The following TSHR variants were observed in gnomAD, a reference collection of about 807,000 sequenced individuals.
The protein encoded by TSHR is thyroid stimulating hormone receptor, also known as thyrotropin receptor.
TSHR carries 51 observed loss-of-function variants against 64.1 expected under a neutral mutation model. That is an observed-to-expected ratio of 0.80 (90% CI 0.64 to 1.01). TSHR has a LOEUF of 1.01. Among genes scored for constraint, TSHR ranks in the 50% least tolerant of loss-of-function variants. The pLI is 0.00. For missense variants in TSHR, 877 were observed against 942.8 expected, an observed-to-expected ratio of 0.93 and a Z score of 0.91; for synonymous variants, 361 against 361.9, an observed-to-expected ratio of 1.00 and a Z score of 0.03.
chr14:80,963,716 G>A (rs1594894149), intron 1 of TSHR, among the ~76,000 whole-genome samples: 1 of 152,210 alleles, frequency 6.6e-6, no homozygotes, highest in Non-Finnish European at 1.5e-5. Context: ...TTCTCCTGGT[G>A]TAGGGAGAGC....
intron 6 of TSHR, among the ~76,000 whole-genome samples, chr14:81,095,975 G>A (rs1889146841): frequency 6.6e-6 from 1 of 151,148 alleles, no homozygotes; most frequent in South Asian, 2.1e-4. Context: ...AGGGACTCAA[G>A]GCTGCAGTGA....
chr14:81,022,882 C>T (rs935250113), intron 1 of TSHR, among the ~76,000 whole-genome samples: 6 of 152,042 alleles, frequency 3.9e-5, no homozygotes, highest in Non-Finnish European at 7.4e-5. Context: ...AGGTGGAGCG[C>T]TCATTAATGA....
intron 1 of TSHR, among the ~76,000 whole-genome samples, chr14:80,975,580 T>C (rs1887824966): frequency 6.6e-6 from 1 of 152,246 alleles, no homozygotes; most frequent in African/African-American, 2.4e-5. Context: ...GTTGCTCTTC[T>C]GATTTTTTTA....
rs1208725017 is a variant in TSHR, at chr14:81,091,149, T to C, written c.467+6T>C. The C allele has an allele frequency of 6.2e-7, 1 of 1,608,476 alleles. No homozygotes were observed. Among genetic ancestry groups the C allele is most frequent in the Non-Finnish European group, 8.5e-7 (1 of 1,176,948 alleles). ...ACTGATATATTCTTTATACTGTAAG[T>C]ATGCACACATGCCATGTTTGACAAT... On this transcript the variant is annotated splice_donor_region_variant and intron_variant, in intron 5 of 9. Coordinates refer to ENST00000298171, the MANE Select transcript of TSHR (RefSeq NM_000369.5).
At position 81,066,835 on chromosome 14, in the gene TSHR, G is replaced by A. The variant is rs1886650230; in HGVS notation, c.243-1419G>A. ...GGTTGAGAATCTCTGCTATGGCTAT[G>A]GCTGGAAACCATCTGTCAATTGTTC... On this transcript the variant is annotated intron_variant, in intron 2 of 9. Transcript: ENST00000298171. Among the ~76,000 whole-genome samples the A allele has an allele frequency of 2.6e-5, 4 of 152,256 alleles. No individual in the cohort carries two copies. In the South Asian group the frequency reaches 8.3e-4, roughly 32 times the overall value.
rs114687204 is a variant in TSHR, at chr14:81,131,983, C to T, written c.693-7696C>T. Among the ~76,000 whole-genome samples, 197 of 144,886 alleles carry T rather than the reference C, an allele frequency of 1.4e-3. 1 individual carries two copies. The highest frequency in any genetic ancestry group is 5.6e-3 in the African/African-American group (195 of 34,540). On this transcript the variant is annotated intron_variant, in intron 8 of 9. Coordinates refer to ENST00000298171, the MANE Select transcript of TSHR (RefSeq NM_000369.5). ...AGACATAGACAGCAATCAATACATT[C>T]TGTACTTGCTAAATAAATGCATATT... is the stretch of plus-strand genomic sequence containing the variant.
chr14:80,988,604 G>A (rs887295493), intron 1 of TSHR, among the ~76,000 whole-genome samples: 3 of 152,020 alleles, frequency 2.0e-5, no homozygotes, highest in African/African-American at 7.3e-5. Context: ...CTCTCCTAAG[G>A]CAATCCTTGT....
chr14:81,035,497 G>T (rs534007002), intron 1 of TSHR, among the ~76,000 whole-genome samples: 1 of 152,272 alleles, frequency 6.6e-6, no homozygotes, highest in Non-Finnish European at 1.5e-5. Flanking sequence ...CCAATGCCGA[G>T]GATGCTGCTG....
chr14:81,109,209 A>T (rs1396185147), intron 8 of TSHR, among the ~76,000 whole-genome samples: 1 of 152,166 alleles, frequency 6.6e-6, no homozygotes, highest in Non-Finnish European at 1.5e-5. Context: ...GGCGATCGAG[A>T]CCATCCTGGC....
At chr14:81,056,027 T>C (rs1885772394) in intron 1 of TSHR, among the ~76,000 whole-genome samples, 1 of 152,100 alleles carries the variant, frequency 6.6e-6, no homozygotes, top group Non-Finnish European at 1.5e-5. Flanking sequence ...CCACATGTTG[T>C]GGGAGGGACT....
intron 1 of TSHR, chr14:80,957,770 A>T (rs1200038475): frequency 6.6e-6 from 1 of 152,260 alleles, no homozygotes; most frequent in East Asian, 1.9e-4. Flanking sequence ...GAAATTGTGT[A>T]AGATGACTGA....
intron 7 of TSHR, chr14:81,105,259 T>C (rs1360286132): frequency 1.0e-6 from 1 of 983,660 alleles, no homozygotes; most frequent in Non-Finnish European, 1.2e-6. Flanking sequence ...TGTCATGTGA[T>C]AAATGAGGTT....
At chr14:81,092,819 T>G (rs1888860754) in intron 6 of TSHR, among the ~76,000 whole-genome samples, 1 of 152,214 alleles carries the variant, frequency 6.6e-6, no homozygotes, top group Non-Finnish European at 1.5e-5. Context: ...GAGGATTCCA[T>G]TACGGCAGTG....
chr14:81,090,825 A>G (rs777796607), intron 4 of TSHR, among the ~76,000 whole-genome samples: 26 of 152,210 alleles, frequency 1.7e-4, no homozygotes, highest in Non-Finnish European at 3.2e-4. Context: ...AGAGCATTCT[A>G]AGCCGAGCAG....
rs10528933 is a variant in TSHR, at chr14:81,067,483, T to TATATATATATATATATA, written c.243-771_243-770insATATATATATATATATA. 1.8e-3 allele frequency among the ~76,000 whole-genome samples: 240 copies of TATATATATATATATATA among 134,896 alleles called. 4 individuals are homozygous for TATATATATATATATATA. Among genetic ancestry groups the TATATATATATATATATA allele is most frequent in the African/African-American group, 5.6e-3 (195 of 34,638 alleles). The allele number at this position is 134,896 out of a possible 152,430, so 88.5% of individuals were successfully genotyped here. A position where few individuals can be genotyped will look rare whatever the true frequency, so the allele number is the denominator to read the frequency against. On this transcript the variant is annotated intron_variant, in intron 2 of 9. Transcript: ENST00000298171. ...TAATTAGTGAAAGGAGTTTATAGTTTTATATATATATATATATATATAGTG... is the reference window on the plus strand; with the variant it reads ...TAATTAGTGAAAGGAGTTTATAGTTTATATATATATATATATATATATATATATATATATATATAGTG...
At chr14:81,135,840 C>T (rs1232356627) in intron 8 of TSHR, among the ~76,000 whole-genome samples, 1 of 152,134 alleles carries the variant, frequency 6.6e-6, no homozygotes, top group Non-Finnish European at 1.5e-5. Context: ...ACCAGACTGT[C>T]TGATTAAAAC....
At chr14:81,094,873 A>C (rs1444817862) in intron 6 of TSHR, among the ~76,000 whole-genome samples, 1 of 151,826 alleles carries the variant, frequency 6.6e-6, no homozygotes, top group East Asian at 1.9e-4. Context: ...ATATATAGTT[A>C]TTTGATCCTC....
At chr14:80,985,167 G>T (rs935130707) in intron 1 of TSHR, among the ~76,000 whole-genome samples, 1 of 152,162 alleles carries the variant, frequency 6.6e-6, no homozygotes, top group Non-Finnish European at 1.5e-5. Flanking sequence ...GGAGAATGGC[G>T]TGAACCCGGG....
chr14:81,101,278 G>A (rs1889563270), intron 7 of TSHR, among the ~76,000 whole-genome samples: 1 of 152,140 alleles, frequency 6.6e-6, no homozygotes, highest in Non-Finnish European at 1.5e-5. Flanking sequence ...CTAAGAACTA[G>A]TAAAGATTTC....
Sources: allele counts gnomAD v4.1 joint callset (sites outside exome capture counted in the v4.1 genomes callset), GRCh38; gene constraint gnomAD v4.1.1; transcripts MANE v1.5; gene names NCBI Gene and HGNC (gene_info 2026-07-23, HGNC 2026-07-21).